Variants in CCND3 observed in about 807,000 individuals in gnomAD.
The protein encoded by CCND3 is G1/S-specific cyclin-D3.
Under a neutral mutation model 28.7 loss-of-function variants are expected in CCND3, and 9 were observed. The ratio of observed to expected loss-of-function variants is 0.31; its 90% confidence interval spans 0.19 to 0.55. CCND3 has a LOEUF of 0.55. CCND3 is among the 20% of genes least tolerant of loss of function. The pLI is 0.93. For synonymous variants in CCND3, 164 were observed against 163.9 expected (o/e 1.00, Z 0.00); for missense variants, 315 against 385.8 (o/e 0.82, Z 1.54).
At chr6:42,018,535 A>C (rs4714550) in intron 1 of CCND3, 113,600 of 151,954 alleles carry the variant, frequency 0.75, 42,647 homozygotes, top group East Asian at 0.91. Flanking sequence ...ATTTTTATTT[A>C]ACTTGAGAGA....
chr6:41,985,956 G>A (rs1762471232), intron 1 of CCND3, among the ~76,000 whole-genome samples: 3 of 150,558 alleles, frequency 2.0e-5, no homozygotes, highest in African/African-American at 4.9e-5. Flanking sequence ...CTATTTTGAG[G>A]TGGTCTAAGA....
chr6:41,952,661 C>T (rs1776342309), intron 1 of CCND3, among the ~76,000 whole-genome samples: 1 of 152,172 alleles, frequency 6.6e-6, no homozygotes, highest in Admixed American at 6.5e-5. Context: ...GGTGCACTCT[C>T]GAATGGTAAG....
chr6:41,947,826 G>A (rs904768631), intron 1 of CCND3, among the ~76,000 whole-genome samples: 20 of 152,052 alleles, frequency 1.3e-4, no homozygotes, highest in African/African-American at 3.9e-4. Flanking sequence ...GCCTCCTGCC[G>A]GGTCTCCCTG....
At chr6:42,040,295 G>A (rs948897513) in intron 1 of CCND3, among the ~76,000 whole-genome samples, 2 of 152,094 alleles carry the variant, frequency 1.3e-5, no homozygotes, top group African/African-American at 4.8e-5. Context: ...GTGGGAGCCT[G>A]TAATCCCAGC....
chr6:41,977,592 A>T (rs4591844), intron 1 of CCND3, among the ~76,000 whole-genome samples: 1 of 152,102 alleles, frequency 6.6e-6, no homozygotes, highest in South Asian at 2.1e-4. Context: ...GTCTCAAACT[A>T]CTGACCTCAG....
chr6:41,935,069 G>T lies in CCND3; in HGVS notation c.*871C>A, dbSNP rs1582078038. 4.3e-6 allele frequency: 1 copy of T among 233,268 alleles called. No homozygotes were observed. The highest frequency in any genetic ancestry group is 6.0e-5 in the East Asian group (1 of 16,580). 14.4% of individuals were successfully genotyped at this position (233,268 alleles called of 1,614,324 possible). A position where few individuals can be genotyped will look rare whatever the true frequency, so the allele number is the denominator to read the frequency against. ...GGCTTGCCTCCCTCTCTAGACAGGGGCTCAGCCACCTCCAGGGCATCCCTG... is the reference window on the plus strand; with the variant it reads ...GGCTTGCCTCCCTCTCTAGACAGGGTCTCAGCCACCTCCAGGGCATCCCTG... On this transcript the variant is annotated 3_prime_UTR_variant, in exon 5 of 5. Coordinates refer to ENST00000372991, the MANE Select transcript of CCND3 (RefSeq NM_001760.5).
intron 1 of CCND3, among the ~76,000 whole-genome samples, chr6:42,013,383 C>T (rs1013944653): frequency 2.0e-5 from 3 of 152,124 alleles, no homozygotes; most frequent in African/African-American, 7.2e-5. Flanking sequence ...ATTGTATGTT[C>T]GTTTGCTTAT....
chr6:41,941,621 C>G lies in CCND3; in HGVS notation c.29G>C (p.Arg10Pro). 6.6e-7 allele frequency: 1 copy of G among 1,514,328 alleles called. No individual in the cohort carries two copies. Among genetic ancestry groups the G allele is most frequent in the Non-Finnish European group, 8.9e-7 (1 of 1,129,338 alleles). 93.8% of individuals were successfully genotyped at this position (1,514,328 alleles called of 1,614,324 possible). A position where few individuals can be genotyped will look rare whatever the true frequency, so the allele number is the denominator to read the frequency against. MELLCCEGT[R>P]HAPRAGPDPR... ...GTCCGGCCCGGCCCGGGGCGCGTGC[C>G]GGGTGCCTTCGCAACACAGCAGCTC... Residue 10 changes from arginine (R) to proline (P), a missense_variant, in exon 1 of 5, where the codon CGG becomes CCG. Coordinates refer to ENST00000372991, the MANE Select transcript of CCND3 (RefSeq NM_001760.5). This position sits in a 1 kb window ranked among gnomAD's most constrained non-coding sequence, Gnocchi z 6.1.
intron 1 of CCND3, among the ~76,000 whole-genome samples, chr6:42,003,719 A>T (rs1424146075): frequency 6.6e-6 from 1 of 151,844 alleles, no homozygotes; most frequent in Non-Finnish European, 1.5e-5. Context: ...CAGGCAGATC[A>T]CTTGAGATCA....
chr6:42,032,046 C>T (rs1264295568), intron 1 of CCND3, among the ~76,000 whole-genome samples: 1 of 152,154 alleles, frequency 6.6e-6, no homozygotes, highest in African/African-American at 2.4e-5. Flanking sequence ...CTGCCTTGGC[C>T]TCCCAAAGTG....
chr6:41,979,361 G>A (rs758624885), intron 1 of CCND3, among the ~76,000 whole-genome samples: 5 of 151,002 alleles, frequency 3.3e-5, no homozygotes, highest in South Asian at 2.1e-4. Flanking sequence ...GTGAAACCCC[G>A]TCTCTATTAA....
chr6:41,986,566 T>C (rs1243354712), intron 1 of CCND3, among the ~76,000 whole-genome samples: 5 of 150,136 alleles, frequency 3.3e-5, no homozygotes, highest in African/African-American at 9.8e-5. Flanking sequence ...TTGATTTCTT[T>C]GGGGGATAGT....
chr6:42,017,192 C>T (rs939136265), intron 1 of CCND3, among the ~76,000 whole-genome samples: 2 of 152,196 alleles, frequency 1.3e-5, no homozygotes, highest in African/African-American at 2.4e-5. Context: ...CCAGTACTCC[C>T]GCCTGCAGTG....
chr6:41,949,865 C>G (rs911298921), intron 1 of CCND3, among the ~76,000 whole-genome samples: 4 of 150,754 alleles, frequency 2.7e-5, no homozygotes, highest in Admixed American at 1.3e-4. Context: ...GAGGCCGAGG[C>G]GGGCGGATCA....
At chr6:42,016,485 C>T (rs1763516008) in intron 1 of CCND3, among the ~76,000 whole-genome samples, 1 of 152,136 alleles carries the variant, frequency 6.6e-6, no homozygotes, top group South Asian at 2.1e-4. Flanking sequence ...GCTCCTACCT[C>T]ACTGACAGTT....
chr6:42,000,318 C>T (rs1220818432), intron 1 of CCND3, among the ~76,000 whole-genome samples: 1 of 125,282 alleles, frequency 8.0e-6, no homozygotes, highest in Non-Finnish European at 1.6e-5. Context: ...CGGCTCACTG[C>T]AAGCTCCGCC....
chr6:41,984,539 G>C (rs895885782), intron 1 of CCND3, among the ~76,000 whole-genome samples: 1 of 151,988 alleles, frequency 6.6e-6, no homozygotes, highest in African/African-American at 2.4e-5. Context: ...GTAGAGATGG[G>C]GTTTCACCAT....
intron 1 of CCND3, among the ~76,000 whole-genome samples, chr6:42,012,234 C>T (rs1763363685): frequency 6.6e-6 from 1 of 151,928 alleles, no homozygotes; most frequent in South Asian, 2.1e-4. Context: ...GGCAAAACCC[C>T]ATCTCTACTA....
chr6:41,988,950 C>T (rs1762572896), intron 1 of CCND3, among the ~76,000 whole-genome samples: 2 of 151,684 alleles, frequency 1.3e-5, no homozygotes, highest in African/African-American at 2.4e-5. Flanking sequence ...CCGCCCGCCT[C>T]GGCCTCCCAA....
Sources: allele counts gnomAD v4.1 joint callset (sites outside exome capture counted in the v4.1 genomes callset), GRCh38; gene constraint gnomAD v4.1.1; non-coding constraint Gnocchi (gnomAD v3.1); transcripts MANE v1.5; gene names NCBI Gene and HGNC (gene_info 2026-07-23, HGNC 2026-07-21).